Variants in AGO3 observed in about 807,000 individuals in gnomAD.
AGO3 encodes protein argonaute-3.
In AGO3, 16 loss-of-function variants were observed where a neutral mutation model predicts 105.5. The observed-to-expected ratio is 0.15, with a 90% CI of 0.10 to 0.23. AGO3 has a LOEUF of 0.23. Among genes scored for constraint, AGO3 ranks in the 10% least tolerant of loss-of-function variants. The pLI is 1.00. For missense variants in AGO3, 534 were observed against 1,088.0 expected (o/e 0.49, Z 7.16); for synonymous variants, 340 against 367.3 (o/e 0.93, Z 0.85).
At chr1:36,038,349 G>A (rs1419477423) in intron 14 of AGO3, among the ~76,000 whole-genome samples, 1 of 141,612 alleles carries the variant, frequency 7.1e-6, no homozygotes, top group African/African-American at 2.6e-5. Context: ...TCCGCCTCCC[G>A]GGTTCACGCC....
chr1:35,982,291 T>TA (rs1463447164), intron 5 of AGO3, among the ~76,000 whole-genome samples: 2 of 152,152 alleles, frequency 1.3e-5, no homozygotes, highest in African/African-American at 4.8e-5. Context: ...GATTTCTAAA[T>TA]AACCCCTTGT....
rs1643165744 is a variant in AGO3, at chr1:36,071,493, A to G, written c.*15748A>G. The G allele has an allele frequency of 6.6e-6, 1 of 152,168 alleles. No homozygotes were observed. The highest frequency in any genetic ancestry group is 6.5e-5 in the Admixed American group (1 of 15,268). The allele number at this position is 152,168 out of a possible 1,614,324, so 9.4% of individuals were successfully genotyped here. A position where few individuals can be genotyped will look rare whatever the true frequency, so the allele number is the denominator to read the frequency against. On this transcript the variant is annotated 3_prime_UTR_variant, in exon 19 of 19. Coordinates refer to ENST00000373191, the MANE Select transcript of AGO3 (RefSeq NM_024852.4). ...TAAAATCAGAGTAACCTCTTTCTCC[A>G]TCCTCCTTTTCCACACTATTCTTGC...
intron 2 of AGO3, among the ~76,000 whole-genome samples, chr1:35,966,376 A>G (rs1021088879): frequency 7.2e-5 from 11 of 152,166 alleles, no homozygotes; most frequent in Non-Finnish European, 1.5e-4. Flanking sequence ...ATATATAAGT[A>G]TTGAATATCT....
intron 11 of AGO3, among the ~76,000 whole-genome samples, chr1:36,023,043 G>A (rs1242691597): frequency 6.6e-6 from 1 of 151,904 alleles, no homozygotes; most frequent in African/African-American, 2.4e-5. Flanking sequence ...GCCATTAACT[G>A]CCAGTTTCTT....
At chr1:36,031,263 A>G (rs758626351) in intron 12 of AGO3, among the ~76,000 whole-genome samples, 7 of 151,922 alleles carry the variant, frequency 4.6e-5, no homozygotes, top group Non-Finnish European at 8.8e-5. Context: ...TGCAGCCCCA[A>G]ACTCCTGGGC....
chr1:35,974,479 G>A (rs1413614514), intron 5 of AGO3, among the ~76,000 whole-genome samples: 1 of 151,550 alleles, frequency 6.6e-6, no homozygotes, highest in Non-Finnish European at 1.5e-5. Flanking sequence ...TCTATCCCCT[G>A]TTTTTTCTGA....
Position 35,966,935 on chromosome 1 carries a change from A to G in AGO3, c.192-20A>G, listed in dbSNP as rs1363923599. On this transcript the variant is annotated intron_variant, in intron 2 of 18. Coordinates refer to ENST00000373191, the MANE Select transcript of AGO3 (RefSeq NM_024852.4). ...TCATCTTACAGAGGATTATGTGAAT[A>G]TATTGTTTCCCTTCTTTAGGGAGGT... 1.3e-6 allele frequency: 2 copies of G among 1,596,968 alleles called. No individual in the cohort carries two copies. Among genetic ancestry groups the G allele is most frequent in the South Asian group, 1.1e-5 (1 of 87,894 alleles).
intron 9 of AGO3, among the ~76,000 whole-genome samples, chr1:36,010,657 C>T (rs1640562860): frequency 6.6e-6 from 1 of 150,688 alleles, no homozygotes; most frequent in Admixed American, 6.6e-5. Context: ...CCTGTAATCC[C>T]AGCACTTTCG....
chr1:35,931,407 C>G lies in AGO3; in HGVS notation c.-20C>G. On this transcript the variant is annotated 5_prime_UTR_variant, in exon 1 of 19. Transcript: ENST00000373191. ...TGGCGGGCTCCGTTCTCCCTCGAAG[C>G]ACTCCCCCCAGCTCCATGAATGGAA... 1 of 1,476,042 alleles carries G rather than the reference C, an allele frequency of 6.8e-7. No homozygotes were observed. Among genetic ancestry groups the G allele is most frequent in the Non-Finnish European group, 9.0e-7 (1 of 1,110,552 alleles). 91.4% of individuals were successfully genotyped at this position (1,476,042 alleles called of 1,614,324 possible).
chr1:36,042,692 T>G (rs1048063742), intron 16 of AGO3, among the ~76,000 whole-genome samples: 5 of 152,174 alleles, frequency 3.3e-5, no homozygotes, highest in Admixed American at 6.6e-5. Context: ...TAATAAACAT[T>G]TTTAAGTGTT....
At chr1:35,992,570 G>T (rs1647779591) in intron 5 of AGO3, among the ~76,000 whole-genome samples, 1 of 152,110 alleles carries the variant, frequency 6.6e-6, no homozygotes, top group African/African-American at 2.4e-5. Flanking sequence ...AATGAAGAAT[G>T]ATAATAGATG....
chr1:35,998,640 T>G (rs1422394318), intron 5 of AGO3, among the ~76,000 whole-genome samples: 1 of 152,200 alleles, frequency 6.6e-6, no homozygotes, highest in Non-Finnish European at 1.5e-5. Flanking sequence ...TATTTCTCTT[T>G]GTCTTCTATG....
intron 4 of AGO3, 38 bp downstream of exon 4, chr1:35,972,270 CTCCCAAGAATGAATTGTGCAGGCT>C: frequency 6.3e-7 from 1 of 1,596,620 alleles, no homozygotes; most frequent in Non-Finnish European, 8.6e-7. Flanking sequence ...AGATTTTAAA[CTCCCAAGAATGAATTGTGCAGGCT>C]TCCCTTGGTT....
At chr1:35,955,114 G>T (rs72661632) in intron 2 of AGO3, among the ~76,000 whole-genome samples, 1 of 152,156 alleles carries the variant, frequency 6.6e-6, no homozygotes, top group Non-Finnish European at 1.5e-5. Flanking sequence ...TCTGAAATCC[G>T]TGCTAAGGCT....
Position 36,040,429 on chromosome 1 carries a change from T to C in AGO3, c.2160T>C (p.Asp720=), listed in dbSNP as rs1642195487. ...ATCACACTCGATTATTTTGTGCTGA[T>C]AGGACAGAAAGGGTAATCTCACCTC... ...KRHHTRLFCA[D]RTERVGRSGN... The change falls in exon 16 of 19, where the codon GAT becomes GAC. Residue 720 remains aspartate, a synonymous_variant. Coordinates refer to ENST00000373191, the MANE Select transcript of AGO3 (RefSeq NM_024852.4). The C allele has an allele frequency of 1.9e-6, 3 of 1,614,068 alleles. No individual in the cohort carries two copies. The highest frequency in any genetic ancestry group is 2.5e-6 in the Non-Finnish European group (3 of 1,179,962).
intron 2 of AGO3, among the ~76,000 whole-genome samples, chr1:35,960,974 C>T (rs1467380062): frequency 8.1e-5 from 12 of 148,186 alleles, no homozygotes; most frequent in African/African-American, 2.5e-4. Context: ...GATGGAGTCT[C>T]GCTCTGATGC....
chr1:36,020,269 G>A (rs1641147952), intron 11 of AGO3, among the ~76,000 whole-genome samples: 1 of 152,064 alleles, frequency 6.6e-6, no homozygotes, highest in South Asian at 2.1e-4. Context: ...TTATTAGATG[G>A]GTTATCATAG....
chr1:35,982,002 T>C (rs1647061722), intron 5 of AGO3, among the ~76,000 whole-genome samples: 1 of 152,242 alleles, frequency 6.6e-6, no homozygotes, highest in Non-Finnish European at 1.5e-5. Flanking sequence ...ACTAAAGATA[T>C]ATGGTATTTT....
At chr1:35,978,328 T>G (rs1646989507) in intron 5 of AGO3, among the ~76,000 whole-genome samples, 1 of 152,102 alleles carries the variant, frequency 6.6e-6, no homozygotes, top group African/African-American at 2.4e-5. Flanking sequence ...TAGCTGGGAT[T>G]ACAGGTGCAT....
Sources: gnomAD v4.1 joint callset for allele counts (sites outside exome capture counted in the v4.1 genomes callset) on GRCh38, gnomAD v4.1.1 for gene constraint, MANE v1.5 for transcripts, NCBI Gene and HGNC (gene_info 2026-07-23, HGNC 2026-07-21) for gene names.